ERC2: variants seen among roughly 807,000 people sequenced by gnomAD.
The protein encoded by ERC2 is ELKS/RAB6-interacting/CAST family member 2.
In ERC2, 42 loss-of-function variants were observed where a neutral mutation model predicts 114.8. That is an observed-to-expected ratio of 0.37 (90% CI 0.29 to 0.47). The LOEUF (loss-of-function observed/expected upper bound fraction) is 0.47, where lower values mean the gene tolerates loss of function less well. Among genes scored for constraint, ERC2 ranks in the 20% least tolerant of loss-of-function variants. ERC2 has a pLI of 0.99. For missense variants in ERC2, 939 were observed against 1,150.7 expected, an observed-to-expected ratio of 0.82 and a Z score of 2.66; for synonymous variants, 454 against 425.5, an observed-to-expected ratio of 1.07 and a Z score of -0.82.
chr3:56,137,451 T>C (rs563445747), intron 6 of ERC2, among the ~76,000 whole-genome samples: 2 of 152,328 alleles, frequency 1.3e-5, no homozygotes, highest in East Asian at 3.9e-4. Flanking sequence ...AGCTGGGCAT[T>C]CCAATGCCCA....
rs116749582 is a variant in ERC2, at chr3:55,895,022, C to T, written c.2404-6473G>A. 5.9e-3 allele frequency among the ~76,000 whole-genome samples: 899 copies of T among 152,298 alleles called. 6 individuals carry two copies. Among genetic ancestry groups the T allele is most frequent in the Non-Finnish European group, 0.01 (706 of 68,028 alleles). On this transcript the variant is annotated intron_variant, in intron 13 of 17. Transcript: ENST00000288221. Reference sequence around the variant, plus strand: ...ACATTCACTCCTCTGCTTATCAAAACTGCCCATTCTTTAAGGCCCTGTCTA... The same window carrying T: ...ACATTCACTCCTCTGCTTATCAAAATTGCCCATTCTTTAAGGCCCTGTCTA...
chr3:55,569,430 G>C (rs1011807364), intron 17 of ERC2, among the ~76,000 whole-genome samples: 1 of 152,172 alleles, frequency 6.6e-6, no homozygotes. Context: ...GAAGAGGCAT[G>C]CGCTGCTCTG....
chr3:56,343,190 T>TCACACA (rs1181595660), intron 2 of ERC2, among the ~76,000 whole-genome samples: 12 of 109,982 alleles, frequency 1.1e-4, no homozygotes, highest in Middle Eastern at 4.1e-3. Flanking sequence ...TCTCTCTCTC[T>TCACACA]CTCACACACA....
At chr3:56,255,213 T>G (rs1440165818) in intron 3 of ERC2, among the ~76,000 whole-genome samples, 1 of 152,200 alleles carries the variant, frequency 6.6e-6, no homozygotes, top group Non-Finnish European at 1.5e-5. Context: ...TGGGGCACAC[T>G]TGTCCTCTAT....
chr3:56,408,477 C>T (rs1026736004), intron 2 of ERC2, among the ~76,000 whole-genome samples: 1 of 152,072 alleles, frequency 6.6e-6, no homozygotes, highest in African/African-American at 2.4e-5. Context: ...CCCAAACACA[C>T]ACACACACAC....
chr3:56,343,192 T>TCTCTCA (rs1376220124), intron 2 of ERC2, among the ~76,000 whole-genome samples: 41 of 126,210 alleles, frequency 3.2e-4, no homozygotes, highest in Middle Eastern at 3.9e-3. Flanking sequence ...TCTCTCTCTC[T>TCTCTCA]CACACACACA....
chr3:56,346,360 T>C (rs1343937213), intron 2 of ERC2, among the ~76,000 whole-genome samples: 1 of 152,136 alleles, frequency 6.6e-6, no homozygotes, highest in African/African-American at 2.4e-5. Flanking sequence ...ATAATATTTA[T>C]CATATCACAC....
rs113363135 is a variant in ERC2, at chr3:56,026,772, C to A, written c.1642-7741G>T. On this transcript the variant is annotated intron_variant, in intron 7 of 17. Transcript: ENST00000288221. The stretch of plus-strand genomic sequence containing the variant: ...GGGAATTGACATTGATACAACCCAA[C>A]GGCCTTATTCATATATCATGAGTTT... Among the ~76,000 whole-genome samples, 345 of 152,258 alleles carry A rather than the reference C, an allele frequency of 2.3e-3. 1 individual carries two copies. The highest frequency in any genetic ancestry group is 7.9e-3 in the African/African-American group (329 of 41,552).
chr3:56,210,949 T>A (rs1323533450), intron 3 of ERC2, among the ~76,000 whole-genome samples: 1 of 151,996 alleles, frequency 6.6e-6, no homozygotes, highest in East Asian at 1.9e-4. Context: ...TGAATAGGAG[T>A]GATATCACCA....
intron 14 of ERC2, among the ~76,000 whole-genome samples, chr3:55,849,339 A>C (rs1332066502): frequency 6.6e-6 from 1 of 152,184 alleles, no homozygotes; most frequent in Non-Finnish European, 1.5e-5. Flanking sequence ...GAAGTGTTCA[A>C]TGTATTCCCA....
intron 7 of ERC2, among the ~76,000 whole-genome samples, chr3:56,040,580 C>CACATACATATACATGTATATGTAT (rs2075078804): frequency 2.7e-5 from 2 of 74,570 alleles, no homozygotes; most frequent in South Asian, 4.9e-4. Flanking sequence ...TATATGTATA[C>CACATACATATACATGTATATGTAT]ATATACATAT....
intron 2 of ERC2, among the ~76,000 whole-genome samples, chr3:56,320,368 T>G (rs1429186901): frequency 1.3e-5 from 2 of 152,236 alleles, no homozygotes; most frequent in African/African-American, 4.8e-5. Context: ...TCATCTGCCA[T>G]TCAAGAATGA....
chr3:56,248,960 C>A (rs935244027), intron 3 of ERC2, among the ~76,000 whole-genome samples: 2 of 152,188 alleles, frequency 1.3e-5, no homozygotes, highest in Non-Finnish European at 1.5e-5. Flanking sequence ...TTTTTTAGCA[C>A]ATTACAGAGG....
At chr3:56,323,246 A>G (rs1312587618) in intron 2 of ERC2, among the ~76,000 whole-genome samples, 1 of 152,232 alleles carries the variant, frequency 6.6e-6, no homozygotes, top group Admixed American at 6.5e-5. Flanking sequence ...GCTATTGGTC[A>G]TCACATGTGT....
intron 17 of ERC2, among the ~76,000 whole-genome samples, chr3:55,667,419 G>A (rs1203568936): frequency 6.6e-6 from 1 of 152,230 alleles, no homozygotes; most frequent in Non-Finnish European, 1.5e-5. Context: ...AACCTTTAGA[G>A]AGTGATCGCC....
chr3:56,023,373 C>T (rs2073844362), intron 7 of ERC2, among the ~76,000 whole-genome samples: 1 of 152,186 alleles, frequency 6.6e-6, no homozygotes, highest in Non-Finnish European at 1.5e-5. Flanking sequence ...CTTCTACAAT[C>T]CCTCAGCCAA....
intron 14 of ERC2, among the ~76,000 whole-genome samples, chr3:55,832,306 A>G (rs1467187400): frequency 1.3e-5 from 2 of 152,210 alleles, no homozygotes; most frequent in African/African-American, 4.8e-5. Flanking sequence ...CTGCCTCCTC[A>G]AGTGGGTCCC....
chr3:55,741,311 G>A (rs17055891), intron 14 of ERC2, among the ~76,000 whole-genome samples: 32,520 of 150,474 alleles, frequency 0.22, 4,003 homozygotes, highest in Admixed American at 0.31. Context: ...TTTTTTTCTC[G>A]CGGCAAATTT....
intron 13 of ERC2, among the ~76,000 whole-genome samples, chr3:55,949,659 T>C (rs2067363296): frequency 6.6e-6 from 1 of 152,172 alleles, no homozygotes; most frequent in African/African-American, 2.4e-5. Flanking sequence ...TTCTCCTATC[T>C]CCAAGGAGGA....
Sources: allele counts gnomAD v4.1 joint callset (sites outside exome capture counted in the v4.1 genomes callset), GRCh38; gene constraint gnomAD v4.1.1; transcripts MANE v1.5; gene names NCBI Gene and HGNC (gene_info 2026-07-23, HGNC 2026-07-21).